Variants in TMIGD3 observed in about 807,000 individuals in gnomAD.
TMIGD3 encodes the protein AD026 protein (AD026).
A neutral mutation model predicts 28.1 loss-of-function variants in TMIGD3; 21 were observed. The observed-to-expected ratio is 0.75, with a 90% confidence interval of 0.53 to 1.08. The LOEUF is 1.08. Ranked by LOEUF, TMIGD3 falls within the 50% of genes least tolerant of loss-of-function variation. The pLI is 0.00. For missense variants in TMIGD3, 416 were observed against 435.6 expected (o/e 0.96, Z 0.40); for synonymous variants, 151 against 162.1 (o/e 0.93, Z 0.52).
At chr1:111,538,805 G>A (rs1373488838) in intron 1 of TMIGD3, among the ~76,000 whole-genome samples, 2 of 152,298 alleles carry the variant, frequency 1.3e-5, no homozygotes, top group East Asian at 3.9e-4. Flanking sequence ...GAGGAATTGG[G>A]TTTTTGCCCA....
At chr1:111,507,245 G>C (rs1030833140), upstream of TMIGD3, among the ~76,000 whole-genome samples, 3 of 151,658 alleles carry the variant, frequency 2.0e-5, no homozygotes, top group South Asian at 6.2e-4. Flanking sequence ...AACATACTGA[G>C]ACCCCACCTC....
chr1:111,535,465 A>G (rs1656608643), intron 1 of TMIGD3, among the ~76,000 whole-genome samples: 1 of 152,244 alleles, frequency 6.6e-6, no homozygotes, highest in Non-Finnish European at 1.5e-5. Flanking sequence ...TCAGATGGGC[A>G]TTTGTTCAAC....
At chr1:111,509,603 C>T (rs1655624604) in intron 1 of TMIGD3, among the ~76,000 whole-genome samples, 1 of 152,216 alleles carries the variant, frequency 6.6e-6, no homozygotes, top group Admixed American at 6.5e-5. Flanking sequence ...CTTCTTTTAA[C>T]CTGCTACCTA....
Position 111,483,762 on chromosome 1 carries a change from G to T in TMIGD3, c.974-5C>A, listed in dbSNP as rs763858287. 1 of 1,613,192 alleles carries T rather than the reference G, an allele frequency of 6.2e-7. No homozygotes were observed. The highest frequency in any genetic ancestry group is 8.5e-7 in the Non-Finnish European group (1 of 1,179,170). ...AGGGCTTCAAAGTGTTGCCTACTTT[G>T]TTGGGGAATAGAAAGGGAAAATGGA... On this transcript the variant is annotated splice_polypyrimidine_tract_variant and splice_region_variant and intron_variant, in intron 5 of 5. Transcript: ENST00000369716.
At chr1:111,560,760 G>A (rs1657706818) in intron 1 of TMIGD3, among the ~76,000 whole-genome samples, 1 of 152,136 alleles carries the variant, frequency 6.6e-6, no homozygotes, top group South Asian at 2.1e-4. Context: ...CAAAAGTGCT[G>A]GGATTACAGG....
intron 1 of TMIGD3, chr1:111,501,377 A>G (rs1204118210): frequency 6.6e-6 from 1 of 152,218 alleles, no homozygotes; most frequent in Non-Finnish European, 1.5e-5. Context: ...GACCACAAAA[A>G]GGAAACAAAT....
chr1:111,500,102 G>A (rs1040252885), intron 1 of TMIGD3: 3 of 1,614,172 alleles, frequency 1.9e-6, no homozygotes, highest in Non-Finnish European at 2.5e-6. Context: ...TGGGACAGCA[G>A]GATGCCCATG....
Position 111,485,721 on chromosome 1 carries a change from C to CACAAAAAAAAAAAAA in TMIGD3, c.973+18_973+19insTTTTTTTTTTTTTGT. ...TCTCTAATTCTTGCCCACCCCCTCC[C>CACAAAAAAAAAAAAA]TCAACAATAGCTACTTACCCCTTCT... On this transcript the variant is annotated intron_variant, in intron 5 of 5. Coordinates refer to ENST00000369716, the MANE Select transcript of TMIGD3 (RefSeq NM_020683.7). 7.6e-7 allele frequency: 1 copy of CACAAAAAAAAAAAAA among 1,312,122 alleles called. No homozygotes were observed. The highest frequency in any genetic ancestry group is 1.1e-6 in the Non-Finnish European group (1 of 921,664). The allele number at this position is 1,312,122 out of a possible 1,614,324, so 81.3% of individuals were successfully genotyped here.
intron 1 of TMIGD3, among the ~76,000 whole-genome samples, chr1:111,531,304 A>C (rs1274174687): frequency 1.3e-5 from 2 of 151,830 alleles, no homozygotes; most frequent in Non-Finnish European, 2.9e-5. Context: ...AAAACCCAAA[A>C]CATTATTTTT....
chr1:111,536,134 A>G (rs540767119), intron 1 of TMIGD3, among the ~76,000 whole-genome samples: 1 of 152,334 alleles, frequency 6.6e-6, no homozygotes, highest in Admixed American at 6.5e-5. Flanking sequence ...CCTTCAGCTC[A>G]TAAGTCCTTT....
At chr1:111,553,587 G>A (rs376533888) in intron 1 of TMIGD3, among the ~76,000 whole-genome samples, 5 of 152,062 alleles carry the variant, frequency 3.3e-5, no homozygotes, top group African/African-American at 9.7e-5. Context: ...ATTTCTACTG[G>A]TTACATCTAA....
intron 1 of TMIGD3, among the ~76,000 whole-genome samples, chr1:111,516,751 T>A (rs937419874): frequency 3.9e-5 from 6 of 152,146 alleles, no homozygotes; most frequent in Non-Finnish European, 1.5e-5. Flanking sequence ...TTGTCCCAGG[T>A]TGAGCAGTGT....
At chr1:111,502,041 T>A (rs1293193060) in intron 1 of TMIGD3, among the ~76,000 whole-genome samples, 2 of 140,978 alleles carry the variant, frequency 1.4e-5, no homozygotes, top group South Asian at 2.1e-4. Context: ...ATATAGGATA[T>A]ATATTTAATA....
At chr1:111,545,312 A>T (rs1243600337) in intron 1 of TMIGD3, among the ~76,000 whole-genome samples, 2 of 151,988 alleles carry the variant, frequency 1.3e-5, no homozygotes, top group Non-Finnish European at 2.9e-5. Flanking sequence ...AATTAAAGCC[A>T]TCCTGGTGGA....
chr1:111,505,112 G>T, upstream of TMIGD3: 1 of 417,144 alleles, frequency 2.4e-6, no homozygotes, highest in Non-Finnish European at 3.1e-6. Flanking sequence ...TTTCTAGGAG[G>T]CAGCACTCTG....
chr1:111,500,303 A>G (rs1285885893), intron 1 of TMIGD3: 3 of 1,614,254 alleles, frequency 1.9e-6, no homozygotes, highest in African/African-American at 1.3e-5. Context: ...CGAATGATGT[A>G]AAAGATGTCA....
At chr1:111,560,385 A>G (rs1378769499) in intron 1 of TMIGD3, among the ~76,000 whole-genome samples, 3 of 151,824 alleles carry the variant, frequency 2.0e-5, no homozygotes, top group African/African-American at 4.9e-5. Flanking sequence ...GCTGATATTC[A>G]CTAAGTTCTT....
chr1:111,561,324 A>G (rs1330539300), intron 1 of TMIGD3, among the ~76,000 whole-genome samples: 1 of 152,078 alleles, frequency 6.6e-6, no homozygotes, highest in Non-Finnish European at 1.5e-5. Flanking sequence ...GGGTTTTGCC[A>G]TGTTTCCCAG....
At chr1:111,545,342 G>A (rs1031120593) in intron 1 of TMIGD3, among the ~76,000 whole-genome samples, 1 of 151,940 alleles carries the variant, frequency 6.6e-6, no homozygotes, top group Non-Finnish European at 1.5e-5. Context: ...GTATCTCATT[G>A]TAGTCTTAAT....
Sources: gnomAD v4.1 joint callset for allele counts (sites outside exome capture counted in the v4.1 genomes callset) on GRCh38, gnomAD v4.1.1 for gene constraint, MANE v1.5 for transcripts, NCBI Gene and HGNC (gene_info 2026-07-23, HGNC 2026-07-21) for gene names.